MAST4: variants seen among roughly 807,000 people sequenced by gnomAD.
MAST4 encodes the protein microtubule associated serine/threonine kinase family member 4.
Under a neutral mutation model 162.7 loss-of-function variants are expected in MAST4, and 89 were observed. The observed-to-expected ratio is 0.55, with a 90% CI of 0.46 to 0.65. The LOEUF (loss-of-function observed/expected upper bound fraction) is 0.65. Ranked by LOEUF, MAST4 falls within the 30% of genes least tolerant of loss-of-function variation. The probability of loss-of-function intolerance (pLI) is 0.00; values close to 1 mark genes in which losing one functional copy is unlikely to be tolerated. For missense variants in MAST4, 3,153 were observed against 3,374.0 expected, an observed-to-expected ratio of 0.93 and a Z score of 1.62; for synonymous variants, 1,479 against 1,361.1, an observed-to-expected ratio of 1.09 and a Z score of -1.91.
intron 3 of MAST4, among the ~76,000 whole-genome samples, chr5:66,863,573 A>G (rs951909506): frequency 5.3e-5 from 8 of 150,444 alleles, no homozygotes; most frequent in African/African-American, 1.5e-4. Context: ...CCCATTTCTC[A>G]TGCTTTCTTT....
rs906564581 is a variant in MAST4 at position 67,165,887 on chromosome 5, C to G, written c.6708C>G (p.Ser2236Arg). 5 of 1,613,268 alleles carry G rather than the reference C, an allele frequency of 3.1e-6. No individual in the cohort carries two copies. Among genetic ancestry groups the G allele is most frequent in the Non-Finnish European group, 4.2e-6 (5 of 1,179,898 alleles). The change falls in exon 29 of 29, where the codon AGC becomes AGG. Residue 2236 changes from serine (S) to arginine (R), a missense_variant. Physicochemically the swap from Ser to Arg is moderately radical, Grantham distance 110. Transcript: ENST00000403625. ...CCACTCAGTCCCTCGGTGGCTCTAG[C>G]AGAGAGGGGAAGGGCCACAGTAAGA... is the stretch of plus-strand genomic sequence containing the variant. ...EPATQSLGGS[S>R]REGKGHSKSG...
chr5:66,789,739 C>T (rs371073477), intron 3 of MAST4: 2 of 518,838 alleles, frequency 3.9e-6, no homozygotes, highest in Non-Finnish European at 3.8e-6. Context: ...GTAGTTACCA[C>T]TTTCTCTCCC....
At chr5:67,053,194 T>C (rs971220909) in intron 4 of MAST4, among the ~76,000 whole-genome samples, 1 of 152,206 alleles carries the variant, frequency 6.6e-6, no homozygotes, top group Non-Finnish European at 1.5e-5. Flanking sequence ...ATTATAAATA[T>C]GGGACTGTTG....
chr5:66,774,533 C>T (rs1754497733), intron 2 of MAST4, among the ~76,000 whole-genome samples: 1 of 152,126 alleles, frequency 6.6e-6, no homozygotes, highest in Non-Finnish European at 1.5e-5. Flanking sequence ...CTGACTCTTC[C>T]ACCTCTCTCT....
intron 3 of MAST4, among the ~76,000 whole-genome samples, chr5:66,852,747 T>G (rs897291972): frequency 1.3e-5 from 2 of 152,206 alleles, no homozygotes; most frequent in Non-Finnish European, 2.9e-5. Flanking sequence ...AGCTCCATTG[T>G]GTCAGTGGGT....
chr5:67,052,464 A>T (rs1030823099), intron 4 of MAST4, among the ~76,000 whole-genome samples: 8 of 152,146 alleles, frequency 5.3e-5, no homozygotes, highest in East Asian at 1.9e-4. Context: ...TTCATTTTTT[A>T]AAAAATCTAA....
chr5:66,986,195 G>C (rs1719420011), intron 4 of MAST4, among the ~76,000 whole-genome samples: 2 of 152,184 alleles, frequency 1.3e-5, no homozygotes, highest in African/African-American at 4.8e-5. Context: ...ATCCCTTGCT[G>C]GGGAGGGCAG....
At chr5:66,661,817 GGGTACACTCTGA>G (rs1449697811) in intron 1 of MAST4, among the ~76,000 whole-genome samples, 4 of 152,176 alleles carry the variant, frequency 2.6e-5, no homozygotes, top group Non-Finnish European at 4.4e-5. Context: ...TTTAACCAAA[GGGTACACTCTGA>G]AGTATTTAGC....
At chr5:66,984,049 G>C (rs1180131289) in intron 4 of MAST4, among the ~76,000 whole-genome samples, 1 of 152,066 alleles carries the variant, frequency 6.6e-6, no homozygotes, top group Admixed American at 6.5e-5. Flanking sequence ...GGGATACGGT[G>C]ACAGACAGGA....
chr5:67,069,297 T>TATATATATATATAG (rs1466092187), intron 5 of MAST4, among the ~76,000 whole-genome samples: 1 of 142,670 alleles, frequency 7.0e-6, no homozygotes, highest in African/African-American at 2.6e-5. Flanking sequence ...GATATATATA[T>TATATATATATATAG]ATATATATAT....
intron 3 of MAST4, among the ~76,000 whole-genome samples, chr5:66,820,412 A>C (rs1163468159): frequency 4.6e-5 from 7 of 152,214 alleles, no homozygotes; most frequent in South Asian, 4.1e-4. Flanking sequence ...TACTGCCAAC[A>C]TCACTTCACT....
intron 4 of MAST4, among the ~76,000 whole-genome samples, chr5:66,919,036 G>C (rs138969900): frequency 0.056 from 8,404 of 151,284 alleles, 331 homozygotes; most frequent in Non-Finnish European, 0.082. Flanking sequence ...CTGGGAGGCG[G>C]AGGTTGCAGT....
chr5:66,659,629 A>G (rs1746777400), intron 1 of MAST4, among the ~76,000 whole-genome samples: 1 of 152,190 alleles, frequency 6.6e-6, no homozygotes, highest in African/African-American at 2.4e-5. Flanking sequence ...GTTATCATGT[A>G]TTTATTGAAT....
chr5:66,645,370 CTG>C (rs1745763213), intron 1 of MAST4, among the ~76,000 whole-genome samples: 1 of 152,226 alleles, frequency 6.6e-6, no homozygotes, highest in Admixed American at 6.5e-5. Flanking sequence ...TTCTTGAAGA[CTG>C]TGAAGTGGAT....
chr5:67,125,872 G>A (rs1346833790), intron 14 of MAST4, among the ~76,000 whole-genome samples: 1 of 152,194 alleles, frequency 6.6e-6, no homozygotes, highest in Non-Finnish European at 1.5e-5. Flanking sequence ...CCCACCAACA[G>A]TGTAAAAACA....
At chr5:66,972,698 T>C (rs1210540807) in intron 4 of MAST4, among the ~76,000 whole-genome samples, 1 of 152,238 alleles carries the variant, frequency 6.6e-6, no homozygotes. Flanking sequence ...CATGTCTTCC[T>C]GCTTTAGTTC....
chr5:66,748,160 G>T (rs900607826), intron 1 of MAST4, among the ~76,000 whole-genome samples: 1 of 152,082 alleles, frequency 6.6e-6, no homozygotes. Flanking sequence ...TTCTCTAGAT[G>T]TTCCTCTCCT....
At chr5:66,751,052 G>A (rs1192904713) in intron 1 of MAST4, among the ~76,000 whole-genome samples, 4 of 151,996 alleles carry the variant, frequency 2.6e-5, no homozygotes, top group Non-Finnish European at 4.4e-5. Context: ...ATCTCACACG[G>A]CAGGGTATTC....
At chr5:67,027,804 A>T (rs1189811690) in intron 4 of MAST4, among the ~76,000 whole-genome samples, 3 of 152,172 alleles carry the variant, frequency 2.0e-5, no homozygotes, top group African/African-American at 7.2e-5. Context: ...CTGTTGTTAT[A>T]ACCACCTCTA....
Sources: allele counts gnomAD v4.1 joint callset (sites outside exome capture counted in the v4.1 genomes callset), GRCh38; gene constraint gnomAD v4.1.1; transcripts MANE v1.5; gene names NCBI Gene and HGNC (gene_info 2026-07-23, HGNC 2026-07-21).